Variants in DPP9 observed in about 807,000 individuals in gnomAD.
DPP9 encodes dipeptidyl peptidase 9.
A neutral mutation model predicts 110.7 loss-of-function variants in DPP9; 50 were observed. The ratio of observed to expected loss-of-function variants is 0.45; its 90% CI spans 0.36 to 0.57. The LOEUF is 0.57. Among genes scored for constraint, DPP9 ranks in the 20% least tolerant of loss-of-function variants. DPP9 has a pLI of 0.00. For missense variants in DPP9, 1,022 were observed against 1,217.9 expected (o/e 0.84, Z 2.39); for synonymous variants, 561 against 514.4 (o/e 1.09, Z -1.23).
rs1165029691 is a variant in DPP9 at position 4,693,019 on chromosome 19, G to A, written c.1516+1642C>T. The stretch of plus-strand genomic sequence containing the variant: ...CAGCTCCTGCAGTCCCGGATGCCTC[G>A]CTCCCTGGGGTCTCTGTCCCCTGTG... On this transcript the variant is annotated intron_variant, in intron 13 of 21. Coordinates refer to ENST00000262960, the MANE Select transcript of DPP9 (RefSeq NM_139159.5). The surrounding 1 kb of genome is among the most constrained non-coding windows in gnomAD (Gnocchi z 5.0). Among the ~76,000 whole-genome samples, 1 of 152,112 alleles carries A rather than the reference G, an allele frequency of 6.6e-6. No individual in the cohort carries two copies. Among genetic ancestry groups the A allele is most frequent in the Non-Finnish European group, 1.5e-5 (1 of 67,996 alleles).
rs2092479291 is a variant in DPP9, at chr19:4,704,604, G to T, written c.427-300C>A. Among the ~76,000 whole-genome samples, 2 of 152,144 alleles carry T rather than the reference G, an allele frequency of 1.3e-5. No individual in the cohort carries two copies. ...TCCCTCCCCACAGACCCTCTCCATAGCAGATGGGGGCCCCTGGGAGGGGCT... is the reference window on the plus strand; with the variant it reads ...TCCCTCCCCACAGACCCTCTCCATATCAGATGGGGGCCCCTGGGAGGGGCT... On this transcript the variant is annotated intron_variant, in intron 5 of 21. Transcript: ENST00000262960. The surrounding 1 kb of genome is among the most constrained non-coding windows in gnomAD (Gnocchi z 6.0).
rs549621942 is a variant in DPP9, at chr19:4,695,329, G to T, written c.1353+49C>A. ...TCTAGGACGTGGGGGTGGGGACAGT[G>T]TGACTCCAGGGCCCAGGCGGGCATA... On this transcript the variant is annotated intron_variant, in intron 12 of 21. Transcript: ENST00000262960. This position sits in a 1 kb window ranked among gnomAD's most constrained non-coding sequence, Gnocchi z 4.7. The T allele has an allele frequency of 1.6e-5, 24 of 1,509,062 alleles. 1 individual carries two copies. In the South Asian group the frequency reaches 2.9e-4, roughly 18 times the overall value. The allele number at this position is 1,509,062 out of a possible 1,614,324, so 93.5% of individuals were successfully genotyped here.
At chr19:4,701,877 T>G in intron 9 of DPP9, 150 bp downstream of exon 9, 1 of 1,151,914 alleles carries the variant, frequency 8.7e-7, no homozygotes, top group African/African-American at 1.5e-5. Context: ...GGGCGGCCCC[T>G]GCAGGGCAGA....
chr19:4,683,830 C>T, intron 18 of DPP9: 1 of 1,533,022 alleles, frequency 6.5e-7, no homozygotes, highest in Admixed American at 2.0e-5. Flanking sequence ...TCTTGCTCTG[C>T]CACCTCCCAG....
At chr19:4,721,272 A>G (rs1302427295) in intron 2 of DPP9, among the ~76,000 whole-genome samples, 2 of 152,238 alleles carry the variant, frequency 1.3e-5, no homozygotes, top group Non-Finnish European at 2.9e-5. Flanking sequence ...CGGGAATATC[A>G]GTTCCACAGG....
At chr19:4,712,007 C>CCAG (rs1372488509) in intron 4 of DPP9, among the ~76,000 whole-genome samples, 1 of 152,016 alleles carries the variant, frequency 6.6e-6, no homozygotes, top group African/African-American at 2.4e-5. Flanking sequence ...TTTCTGCCCT[C>CCAG]CAGAAGTGTG....
intron 4 of DPP9, among the ~76,000 whole-genome samples, chr19:4,708,299 C>T (rs150604039): frequency 6.6e-6 from 1 of 152,310 alleles, no homozygotes; most frequent in African/African-American, 2.4e-5. Flanking sequence ...ATGCCCATTG[C>T]AAGGACACTG....
At chr19:4,701,975 C>G in intron 9 of DPP9, 52 bp downstream of exon 9, 1 of 1,591,706 alleles carries the variant, frequency 6.3e-7, no homozygotes, top group Non-Finnish European at 8.6e-7. Flanking sequence ...CCAGCCATGC[C>G]CCAGGGGCCT....
Position 4,694,766 on chromosome 19 carries a change from G to C in DPP9, c.1411C>G (p.Leu471Val). 3 of 1,613,988 alleles carry C rather than the reference G, an allele frequency of 1.9e-6. No homozygotes were observed. Among genetic ancestry groups the C allele is most frequent in the Non-Finnish European group, 2.5e-6 (3 of 1,179,884 alleles). Residue 471 changes from leucine to valine, a missense_variant, in exon 13 of 22, where the codon CTC becomes GTC. Around this residue, in one of 3 missense-constraint regions of DPP9, gnomAD observed 810 missense variants for 920.6 expected, o/e 0.88. Coordinates refer to ENST00000262960, the MANE Select transcript of DPP9 (RefSeq NM_139159.5). This position sits in a 1 kb window ranked among gnomAD's most constrained non-coding sequence, Gnocchi z 4.0. The stretch of plus-strand genomic sequence containing the variant: ...CCGGTCTTGCATTCATTGGCGCGGA[G>C]AAAGCAGAGCTCGTCCTCTCCCTCT... ...QSEGEDELCF[L>V]RANECKTGFC...
At chr19:4,680,438 G>A (rs975516511) in intron 20 of DPP9, among the ~76,000 whole-genome samples, 3 of 135,300 alleles carry the variant, frequency 2.2e-5, no homozygotes, top group Non-Finnish European at 4.7e-5. Flanking sequence ...AACCCAGGCC[G>A]GGTGCAGTGC....
rs370769562 is a variant in DPP9, at chr19:4,700,858, T to C, written c.1013-581A>G. Reference sequence around the variant, plus strand: ...AGCGGAGAATGCTTATTTTTTTGGCTAGACCTACGAGAAACTCAACTCCAG... The same window carrying C: ...AGCGGAGAATGCTTATTTTTTTGGCCAGACCTACGAGAAACTCAACTCCAG... On this transcript the variant is annotated intron_variant, in intron 9 of 21. Coordinates refer to ENST00000262960, the MANE Select transcript of DPP9 (RefSeq NM_139159.5). The surrounding 1 kb of genome is among the most constrained non-coding windows in gnomAD (Gnocchi z 4.3). Among the ~76,000 whole-genome samples the C allele has an allele frequency of 3.9e-5, 6 of 152,198 alleles. No individual in the cohort carries two copies. The East Asian group carries it at 7.7e-4, about 20-fold the overall frequency.
Position 4,700,165 on chromosome 19 carries a change from C to T in DPP9, c.1074+51G>A. 1 of 1,441,632 alleles carries T rather than the reference C, an allele frequency of 6.9e-7. No individual in the cohort carries two copies. The highest frequency in any genetic ancestry group is 1.4e-5 in the South Asian group (1 of 72,456). 89.3% of individuals were successfully genotyped at this position (1,441,632 alleles called of 1,614,324 possible). ...CCATCCACCCAGCTGCCTACCCGGC[C>T]CTTCCCCGCATCATCTAGTAGATTA... On this transcript the variant is annotated intron_variant, in intron 10 of 21. Transcript: ENST00000262960. This position sits in a 1 kb window ranked among gnomAD's most constrained non-coding sequence, Gnocchi z 4.3.
intron 18 of DPP9, 143 bp from the exon 19 acceptor site, chr19:4,683,772 G>A: frequency 6.4e-7 from 1 of 1,568,222 alleles, no homozygotes; most frequent in Non-Finnish European, 8.6e-7. Context: ...TCCAGGCCCT[G>A]CTAACCCTGC....
rs916425443 is a variant in DPP9, at chr19:4,687,660, G to A, written c.1885+1097C>T. On this transcript the variant is annotated intron_variant, in intron 16 of 21. Transcript: ENST00000262960. The surrounding 1 kb of genome is among the most constrained non-coding windows in gnomAD (Gnocchi z 4.7). ...CTCTGGGCACAGGACACCATAAAGG[G>A]CCCTCTGCATGCCGCTGTGGCCAGG... 6.6e-6 allele frequency among the ~76,000 whole-genome samples: 1 copy of A among 150,914 alleles called. No homozygotes were observed. The highest frequency in any genetic ancestry group is 1.5e-5 in the Non-Finnish European group (1 of 68,002).
rs1302117767 is a variant in DPP9 at position 4,700,655 on chromosome 19, C to G, written c.1013-378G>C. Among the ~76,000 whole-genome samples, 4 of 152,194 alleles carry G rather than the reference C, an allele frequency of 2.6e-5. No individual in the cohort carries two copies. The highest frequency in any genetic ancestry group is 2.6e-4 in the Admixed American group (4 of 15,278). On this transcript the variant is annotated intron_variant, in intron 9 of 21. Transcript: ENST00000262960. This position sits in a 1 kb window ranked among gnomAD's most constrained non-coding sequence, Gnocchi z 4.3. ...CCAGAGCAGACGGTGAAGCCCGAGG[C>G]ATCACAGTAAAACTGACAACGTGAC...
Position 4,687,492 on chromosome 19 carries a change from G to C in DPP9, c.1885+1265C>G, listed in dbSNP as rs2090874624. 6.6e-6 allele frequency among the ~76,000 whole-genome samples: 1 copy of C among 152,230 alleles called. No individual in the cohort carries two copies. The highest frequency in any genetic ancestry group is 2.4e-5 in the African/African-American group (1 of 41,462). ...ACTGGAACCCGGAGTCACCAATGCAGGGTCCTGGCCAACTTCCAGGTTCTG... is the reference window on the plus strand; with the variant it reads ...ACTGGAACCCGGAGTCACCAATGCACGGTCCTGGCCAACTTCCAGGTTCTG... On this transcript the variant is annotated intron_variant, in intron 16 of 21. Transcript: ENST00000262960. This position sits in a 1 kb window ranked among gnomAD's most constrained non-coding sequence, Gnocchi z 4.7.
At chr19:4,688,537 C>T (rs1384472609) in intron 16 of DPP9, 12 of 532,898 alleles carry the variant, frequency 2.3e-5, no homozygotes, top group South Asian at 5.2e-5. Flanking sequence ...CTGTGCAGTC[C>T]GGCCCTTTAC....
chr19:4,712,874 T>C (rs2092900419), intron 4 of DPP9, among the ~76,000 whole-genome samples: 1 of 152,178 alleles, frequency 6.6e-6, no homozygotes, highest in African/African-American at 2.4e-5. Flanking sequence ...TAGCATGTGG[T>C]CAGCCTCAGG....
chr19:4,684,777 G>T lies in DPP9; in HGVS notation c.2064C>A (p.Ile688=). ...CCAGTGTGTTGAGCCGCAAGTACTTGATGCCTTTGAAGGAGTTATTCACCA... is the reference window on the plus strand; with the variant it reads ...CCAGTGTGTTGAGCCGCAAGTACTTTATGCCTTTGAAGGAGTTATTCACCA... ...VQLVNNSFKG[I]KYLRLNTLAS... The change falls in exon 18 of 22, where the codon ATC becomes ATA. Residue 688 remains isoleucine, a synonymous_variant. Coordinates refer to ENST00000262960, the MANE Select transcript of DPP9 (RefSeq NM_139159.5). The surrounding 1 kb of genome is among the most constrained non-coding windows in gnomAD (Gnocchi z 4.8). 1 of 1,601,152 alleles carries T rather than the reference G, an allele frequency of 6.2e-7. No homozygotes were observed. Among genetic ancestry groups the T allele is most frequent in the Non-Finnish European group, 8.5e-7 (1 of 1,174,386 alleles).
Sources: allele counts gnomAD v4.1 joint callset (sites outside exome capture counted in the v4.1 genomes callset), GRCh38; gene constraint gnomAD v4.1.1; regional missense constraint gnomAD v4.1.1; non-coding constraint Gnocchi (gnomAD v3.1); transcripts MANE v1.5; gene names NCBI Gene and HGNC (gene_info 2026-07-23, HGNC 2026-07-21).